CDC42EP2: variants seen among roughly 807,000 people sequenced by gnomAD.
CDC42EP2 encodes the protein CDC42 effector protein 2.
A neutral mutation model predicts 7.3 loss-of-function variants in CDC42EP2; 5 were observed. The ratio of observed to expected loss-of-function variants is 0.68; its 90% CI spans 0.36 to 1.44. The LOEUF is 1.44. Among genes scored for constraint, CDC42EP2 ranks in the 40% most tolerant of loss-of-function variants. The probability of loss-of-function intolerance (pLI) is 0.04; values close to 1 mark genes in which losing one functional copy is unlikely to be tolerated. For missense variants in CDC42EP2, 251 were observed against 282.6 expected (o/e 0.89, Z 0.80); for synonymous variants, 113 against 123.6 (o/e 0.91, Z 0.57).
chr11:65,317,808 G>A (rs568495108), intron 1 of CDC42EP2, among the ~76,000 whole-genome samples: 2 of 152,108 alleles, frequency 1.3e-5, no homozygotes, highest in Non-Finnish European at 2.9e-5. Context: ...TTATTAGTAA[G>A]AATTTGAATT....
At chr11:65,317,234 C>T (rs937292030) in intron 1 of CDC42EP2, 2 of 152,178 alleles carry the variant, frequency 1.3e-5, no homozygotes, top group Non-Finnish European at 2.9e-5. Flanking sequence ...TCCAGGTGCT[C>T]TGGGAGGGGT....
rs747246435 is a variant in CDC42EP2, at chr11:65,321,040, G to A, written c.142G>A (p.Gly48Ser). ...RHTIHIGSGG[G>S]SDMFGDISFL... is the part of the protein sequence containing the mutation. ...CACCATTCATATTGGCAGTGGCGGC[G>A]GCAGTGACATGTTTGGCGACATCTC... The change falls in exon 2 of 2, where the codon GGC (glycine) becomes AGC (serine). Residue 48 changes from glycine (G) to serine (S), a missense_variant. Gly to Ser is a moderately conservative substitution (Grantham distance 56). Transcript: ENST00000279249. This position sits in a 1 kb window ranked among gnomAD's most constrained non-coding sequence, Gnocchi z 4.4. The A allele has an allele frequency of 1.4e-5, 22 of 1,614,106 alleles. No homozygotes were observed. Among genetic ancestry groups the A allele is most frequent in the South Asian group, 6.6e-5 (6 of 91,082 alleles).
At position 65,315,877 on chromosome 11, in the gene CDC42EP2, C is replaced by T. The variant is rs1949945516; in HGVS notation, c.-356+923C>T. ...GGAGGTGGACGCCTGGGGTCAGGAGCCCTTCGTTTTTGCTATTGTTCAAAG... is the reference window on the plus strand; with the variant it reads ...GGAGGTGGACGCCTGGGGTCAGGAGTCCTTCGTTTTTGCTATTGTTCAAAG... On this transcript the variant is annotated intron_variant, in intron 1 of 1. Coordinates refer to ENST00000279249, the MANE Select transcript of CDC42EP2 (RefSeq NM_006779.4). This position sits in a 1 kb window ranked among gnomAD's most constrained non-coding sequence, Gnocchi z 4.1. Among the ~76,000 whole-genome samples, 1 of 152,216 alleles carries T rather than the reference C, an allele frequency of 6.6e-6. No homozygotes were observed. The highest frequency in any genetic ancestry group is 1.5e-5 in the Non-Finnish European group (1 of 68,032).
chr11:65,322,129 C>G lies in CDC42EP2; in HGVS notation c.*598C>G, dbSNP rs1052652886. The G allele has an allele frequency of 1.8e-5, 3 of 167,424 alleles. No homozygotes were observed. The highest frequency in any genetic ancestry group is 4.8e-5 in the African/African-American group (2 of 41,480). 10.4% of individuals were successfully genotyped at this position (167,424 alleles called of 1,614,324 possible). On this transcript the variant is annotated 3_prime_UTR_variant, in exon 2 of 2. Coordinates refer to ENST00000279249, the MANE Select transcript of CDC42EP2 (RefSeq NM_006779.4). ...TGTCCCTTTGCCCCAGGTTTCCTCC[C>G]GGAGGCAGACAGTCTCCCAGAGCTG...
chr11:65,319,152 G>A (rs1004581221), intron 1 of CDC42EP2, among the ~76,000 whole-genome samples: 35 of 133,260 alleles, frequency 2.6e-4, no homozygotes, highest in African/African-American at 8.0e-4. Context: ...TTTTTTTGAT[G>A]GAGTCTTCCT....
At position 65,321,562 on chromosome 11, in the gene CDC42EP2, G is replaced by C. The variant is rs375819245; in HGVS notation, c.*31G>C. Reference sequence around the variant, plus strand: ...GAGGCTGCCTAGGCTGGGGTCCCAGGTGGGGCCCAGCCAGGAGGTGGGGTG... The same window carrying C: ...GAGGCTGCCTAGGCTGGGGTCCCAGCTGGGGCCCAGCCAGGAGGTGGGGTG... On this transcript the variant is annotated 3_prime_UTR_variant, in exon 2 of 2. Transcript: ENST00000279249. This position sits in a 1 kb window ranked among gnomAD's most constrained non-coding sequence, Gnocchi z 4.4. 6.7e-5 allele frequency: 104 copies of C among 1,562,082 alleles called. No individual in the cohort carries two copies. Among genetic ancestry groups the C allele is most frequent in the Non-Finnish European group, 8.3e-5 (95 of 1,149,592 alleles).
chr11:65,318,896 TTTTTTTTTTTTG>T (rs1949960947), intron 1 of CDC42EP2, among the ~76,000 whole-genome samples: 1 of 134,000 alleles, frequency 7.5e-6, no homozygotes, highest in African/African-American at 3.0e-5. Flanking sequence ...TTTTTTTTTT[TTTTTTTTTTTTG>T]TATAGGACAG....
In CDC42EP2 at chr11:65,320,946, CAAG is replaced by C. The variant is rs1392264638; in HGVS notation, c.52_54del (p.Lys18del). The C allele has an allele frequency of 6.2e-7, 1 of 1,612,012 alleles. No homozygotes were observed. Among genetic ancestry groups the C allele is most frequent in the Admixed American group, 1.7e-5 (1 of 59,974 alleles). On this transcript the variant is annotated inframe_deletion, in exon 2 of 2. Transcript: ENST00000279249. ...ATCTGAAGCGTGGCAGTCGCAAGGG[CAAG>C]AAGGAGAAGCTTCGGGACCTGCTGT...
At chr11:65,319,132 AT>A (rs35711764) in intron 1 of CDC42EP2, among the ~76,000 whole-genome samples, 1,426 of 133,948 alleles carry the variant, frequency 0.011, 13 homozygotes, top group African/African-American at 0.025. Context: ...GACACCTCTG[AT>A]TTTTTTTTTT....
intron 1 of CDC42EP2, among the ~76,000 whole-genome samples, chr11:65,319,025 T>C (rs1949961531): frequency 6.6e-6 from 1 of 151,432 alleles, no homozygotes; most frequent in Non-Finnish European, 1.5e-5. Context: ...ATCTATATTA[T>C]GTTTTTGCAT....
At position 65,321,147 on chromosome 11, in the gene CDC42EP2, C is replaced by G. The variant is rs764266704; in HGVS notation, c.249C>G (p.Phe83Leu). ...AAGATGGCACCTTCGACCTCCCCTTCCAGTTCACCCGCACCGCCACCGTGT... is the reference window on the plus strand; with the variant it reads ...AAGATGGCACCTTCGACCTCCCCTTGCAGTTCACCCGCACCGCCACCGTGT... ...PEEDGTFDLP[F>L]QFTRTATVCG... Residue 83 changes from phenylalanine to leucine, a missense_variant, in exon 2 of 2, where the codon TTC becomes TTG. Transcript: ENST00000279249. The surrounding 1 kb of genome is among the most constrained non-coding windows in gnomAD (Gnocchi z 4.4). 51 of 1,614,028 alleles carry G rather than the reference C, an allele frequency of 3.2e-5. No individual in the cohort carries two copies. The highest frequency in any genetic ancestry group is 3.3e-4 in the Middle Eastern group (2 of 6,084).
chr11:65,316,829 C>G (rs1949950209), intron 1 of CDC42EP2, among the ~76,000 whole-genome samples: 1 of 152,200 alleles, frequency 6.6e-6, no homozygotes, highest in Non-Finnish European at 1.5e-5. Context: ...CTCCCCACAT[C>G]TGGAATTGGG....
In CDC42EP2 at chr11:65,315,343, C is replaced by T. The variant is rs896214087; in HGVS notation, c.-356+389C>T. The stretch of plus-strand genomic sequence containing the variant: ...GGCCGCGAATGTCCTGAAACGGATC[C>T]GGGCTGGGCTGGGCTCCGCCCGGGT... On this transcript the variant is annotated intron_variant, in intron 1 of 1. Coordinates refer to ENST00000279249, the MANE Select transcript of CDC42EP2 (RefSeq NM_006779.4). This position sits in a 1 kb window ranked among gnomAD's most constrained non-coding sequence, Gnocchi z 4.1. Among the ~76,000 whole-genome samples the T allele has an allele frequency of 3.3e-5, 5 of 152,176 alleles. No homozygotes were observed. The highest frequency in any genetic ancestry group is 9.6e-5 in the African/African-American group (4 of 41,458).
intron 1 of CDC42EP2, chr11:65,317,122 A>T (rs1156829080): frequency 6.6e-6 from 1 of 152,210 alleles, no homozygotes; most frequent in Non-Finnish European, 1.5e-5. Context: ...ACGGGATTCC[A>T]AGACCTCAGG....
At chr11:65,319,085 C>A (rs951391629) in intron 1 of CDC42EP2, among the ~76,000 whole-genome samples, 2 of 150,740 alleles carry the variant, frequency 1.3e-5, no homozygotes, top group African/African-American at 4.9e-5. Context: ...CAAAATTTTT[C>A]ACCTGTAGGT....
At chr11:65,316,185 G>A (rs561112869) in intron 1 of CDC42EP2, among the ~76,000 whole-genome samples, 1 of 152,296 alleles carries the variant, frequency 6.6e-6, no homozygotes, top group Non-Finnish European at 1.5e-5. Context: ...CCTGATTTAG[G>A]AGAAGAGGGG....
At position 65,320,859 on chromosome 11, in the gene CDC42EP2, G is replaced by C. The variant is rs367722501; in HGVS notation, c.-40G>C. The C allele has an allele frequency of 6.4e-7, 1 of 1,559,620 alleles. No individual in the cohort carries two copies. Among genetic ancestry groups the C allele is most frequent in the Admixed American group, 1.8e-5 (1 of 56,852 alleles). On this transcript the variant is annotated 5_prime_UTR_variant, in exon 2 of 2. Transcript: ENST00000279249. ...GAGAGGAGGTGTGGTCTCAGCAGGC[G>C]GCCCGTAGCCTCACAGCCAGGCCTG...
intron 1 of CDC42EP2, among the ~76,000 whole-genome samples, chr11:65,318,715 G>T (rs1434687924): frequency 6.7e-6 from 1 of 150,234 alleles, no homozygotes; most frequent in African/African-American, 2.5e-5. Flanking sequence ...GAACCACCGC[G>T]CCCGGCCTAA....
intron 1 of CDC42EP2, among the ~76,000 whole-genome samples, chr11:65,318,868 CTTTTTTTTTTTTTTTTTTTTTT>C (rs11333656): frequency 1.8e-3 from 47 of 25,580 alleles, no homozygotes; most frequent in African/African-American, 3.6e-3. Flanking sequence ...CTGCACCTGA[CTTTTTTTTTTTTTTTTTTTTTT>C]TTTTTTTTTT....
Sources: allele counts gnomAD v4.1 joint callset (sites outside exome capture counted in the v4.1 genomes callset), GRCh38; gene constraint gnomAD v4.1.1; non-coding constraint Gnocchi (gnomAD v3.1); transcripts MANE v1.5; gene names NCBI Gene and HGNC (gene_info 2026-07-23, HGNC 2026-07-21).